Variants in ABCC4 observed in about 807,000 individuals in gnomAD.
ABCC4 encodes ATP binding cassette subfamily C member 4 (PEL blood group).
ABCC4 carries 102 observed loss-of-function variants against 168.5 expected under a neutral mutation model. That is an observed-to-expected ratio of 0.61 (90% confidence interval 0.52 to 0.71). The LOEUF is 0.71. Among genes scored for constraint, ABCC4 ranks in the 30% least tolerant of loss-of-function variants. The pLI, the probability that ABCC4 is intolerant of heterozygous loss-of-function variation, is 0.00. For synonymous variants in ABCC4, 617 were observed against 590.7 expected, an observed-to-expected ratio of 1.04 and a Z score of -0.65; for missense variants, 1,402 against 1,605.8, an observed-to-expected ratio of 0.87 and a Z score of 2.17.
intron 1 of ABCC4, among the ~76,000 whole-genome samples, chr13:95,254,985 C>T (rs1172463767): frequency 1.3e-5 from 2 of 152,174 alleles, no homozygotes; most frequent in Admixed American, 6.5e-5. Flanking sequence ...CATATTTAAA[C>T]TCCAAAATCC....
chr13:95,203,327 C>A (rs2038683683), intron 8 of ABCC4, among the ~76,000 whole-genome samples: 1 of 136,542 alleles, frequency 7.3e-6, no homozygotes, highest in African/African-American at 2.7e-5. Context: ...GGAAGCCAGT[C>A]AGGAGGCTCT....
chr13:95,164,380 G>A lies in ABCC4; in HGVS notation c.2173C>T (p.Gln725Ter). 6.2e-7 allele frequency: 1 copy of A among 1,614,074 alleles called. No homozygotes were observed. Reference sequence around the variant, plus strand: ...GCAAAACAAATGTCATTATTTACCTGAGCTGCAGTGTTTAGGAGAATAAGG... The same window carrying A: ...GCAAAACAAATGTCATTATTTACCTAAGCTGCAGTGTTTAGGAGAATAAGG... ...IFLILLNTAA[Q>*]VAYVLQDWWL... The change falls in exon 16 of 31, where the codon CAG becomes TAG. Residue 725 changes from glutamine to a stop codon, truncating the protein, a stop_gained and splice_region_variant. Transcript: ENST00000645237. LOFTEE classifies it high-confidence loss of function.
rs1439920008 is a variant in ABCC4 at position 95,115,315 on chromosome 13, C to A, written c.2535+607G>T. The stretch of plus-strand genomic sequence containing the variant: ...ACAGCTTAAGACTTAGAGCAATCAA[C>A]GTGTGAAAACAAAAAAGACATTTTC... On this transcript the variant is annotated intron_variant, in intron 20 of 30. Coordinates refer to ENST00000645237, the MANE Select transcript of ABCC4 (RefSeq NM_005845.5). Among the ~76,000 whole-genome samples, 4 of 149,634 alleles carry A rather than the reference C, an allele frequency of 2.7e-5. No individual in the cohort carries two copies. In the East Asian group the frequency reaches 5.8e-4, roughly 22 times the overall value.
chr13:95,222,683 A>G (rs916045999), intron 4 of ABCC4, among the ~76,000 whole-genome samples: 9 of 152,198 alleles, frequency 5.9e-5, no homozygotes, highest in African/African-American at 1.9e-4. Flanking sequence ...ACCAGACCAG[A>G]GTGCGGAAAC....
At chr13:95,141,063 CA>C (rs2036302589) in intron 19 of ABCC4, among the ~76,000 whole-genome samples, 1 of 152,208 alleles carries the variant, frequency 6.6e-6, no homozygotes, top group African/African-American at 2.4e-5. Flanking sequence ...CTCGGGCAGT[CA>C]TAGACTCTGC....
intron 20 of ABCC4, among the ~76,000 whole-genome samples, chr13:95,095,394 C>T (rs1242774755): frequency 6.6e-6 from 1 of 152,040 alleles, no homozygotes; most frequent in African/African-American, 2.4e-5. Context: ...TTGCAGTGAC[C>T]TGGATGAGAC....
intron 6 of ABCC4, 25 bp downstream of exon 6, chr13:95,209,409 T>G: frequency 6.2e-7 from 1 of 1,609,746 alleles, no homozygotes; most frequent in South Asian, 1.1e-5. Flanking sequence ...ACATATGACA[T>G]TTTTCACAGC....
At chr13:95,287,227 G>C (rs2041280074) in intron 1 of ABCC4, among the ~76,000 whole-genome samples, 1 of 152,104 alleles carries the variant, frequency 6.6e-6, no homozygotes. Flanking sequence ...GAACCCAGAA[G>C]GTTGCAGTGA....
chr13:95,057,553 A>G (rs2033111668), intron 26 of ABCC4, among the ~76,000 whole-genome samples: 1 of 152,120 alleles, frequency 6.6e-6, no homozygotes, highest in Non-Finnish European at 1.5e-5. Flanking sequence ...TTTGTTTCTT[A>G]AAGTGACTCC....
intron 4 of ABCC4, among the ~76,000 whole-genome samples, chr13:95,228,981 T>C (rs2039545091): frequency 6.6e-6 from 1 of 152,066 alleles, no homozygotes; most frequent in African/African-American, 2.4e-5. Context: ...CCCAGAAAGA[T>C]GAAGAGTACC....
At chr13:95,079,743 G>A (rs1181019383) in intron 21 of ABCC4, among the ~76,000 whole-genome samples, 2 of 152,140 alleles carry the variant, frequency 1.3e-5, no homozygotes, top group Non-Finnish European at 2.9e-5. Context: ...GCTGAGACAG[G>A]AGAATTTCTT....
At position 95,159,093 on chromosome 13, in the gene ABCC4, T is replaced by TTTTATATA. The variant is rs1555323082; in HGVS notation, c.2455+2095_2455+2096insTATATAAA. ...ATGAGACCTTATTTCTAAATAAATT[T>TTTTATATA]TATATATATATATATATATATATAT... is the stretch of plus-strand genomic sequence containing the variant. On this transcript the variant is annotated intron_variant, in intron 19 of 30. Coordinates refer to ENST00000645237, the MANE Select transcript of ABCC4 (RefSeq NM_005845.5). 1.3e-4 allele frequency among the ~76,000 whole-genome samples: 8 copies of TTTTATATA among 61,028 alleles called. 1 individual carries two copies. In the East Asian group the frequency reaches 4.0e-3, roughly 31 times the overall value. 40.0% of individuals were successfully genotyped at this position (61,028 alleles called of 152,430 possible).
chr13:95,201,193 G>A lies in ABCC4; in HGVS notation c.1161+5339C>T, dbSNP rs149439547. 3.7e-4 allele frequency among the ~76,000 whole-genome samples: 56 copies of A among 152,262 alleles called. No homozygotes were observed. The East Asian group carries it at 8.1e-3, about 22-fold the overall frequency. On this transcript the variant is annotated intron_variant, in intron 8 of 30. Transcript: ENST00000645237. ...ACTGGAAAATGTAAAATTCCCAGCCGGTCATTTTATTTTACTACATGCATA... is the reference window on the plus strand; with the variant it reads ...ACTGGAAAATGTAAAATTCCCAGCCAGTCATTTTATTTTACTACATGCATA...
At chr13:95,093,162 G>A (rs1253167300) in intron 20 of ABCC4, among the ~76,000 whole-genome samples, 2 of 152,022 alleles carry the variant, frequency 1.3e-5, no homozygotes, top group East Asian at 3.9e-4. Context: ...ATAAGACAGA[G>A]AAAGAAGGAA....
chr13:95,275,727 G>A (rs2040955543), intron 1 of ABCC4, among the ~76,000 whole-genome samples: 1 of 136,750 alleles, frequency 7.3e-6, no homozygotes, highest in Non-Finnish European at 1.5e-5. Context: ...TCCAGCCTGG[G>A]TGACAGAGTA....
chr13:95,216,608 C>CAA (rs199711816), intron 4 of ABCC4, among the ~76,000 whole-genome samples: 4,381 of 123,520 alleles, frequency 0.035, 91 homozygotes, highest in African/African-American at 0.092. Context: ...AGGAAATTCA[C>CAA]AAAAAAAAAA....
chr13:95,263,535 T>C (rs1294389856), intron 1 of ABCC4, among the ~76,000 whole-genome samples: 3 of 152,098 alleles, frequency 2.0e-5, no homozygotes, highest in African/African-American at 7.2e-5. Context: ...ACAATAAATA[T>C]GCCTAGGCCG....
chr13:95,115,757 C>T (rs2035354379), intron 20 of ABCC4, among the ~76,000 whole-genome samples, 165 bp downstream of exon 20: 1 of 152,328 alleles, frequency 6.6e-6, no homozygotes, highest in Admixed American at 6.5e-5. Flanking sequence ...CCAACTTAGC[C>T]TCTGAGTTAT....
chr13:95,136,308 C>A (rs1047435006), intron 19 of ABCC4, among the ~76,000 whole-genome samples: 7 of 152,054 alleles, frequency 4.6e-5, no homozygotes, highest in African/African-American at 1.4e-4. Flanking sequence ...GCATGCACCA[C>A]CACGCCTGGG....
Sources: gnomAD v4.1 joint callset for allele counts (sites outside exome capture counted in the v4.1 genomes callset) on GRCh38, gnomAD v4.1.1 for gene constraint, MANE v1.5 for transcripts, NCBI Gene and HGNC (gene_info 2026-07-23, HGNC 2026-07-21) for gene names.